ZNF391: variants seen among roughly 807,000 people sequenced by gnomAD.
The protein encoded by ZNF391 is zinc finger protein 391.
For synonymous variants in ZNF391, 126 were observed against 142.1 expected (o/e 0.89, Z 0.80); for missense variants, 375 against 425.5 (o/e 0.88, Z 1.04).
At chr6:27,395,112 C>G (rs1368296447) in intron 1 of ZNF391, 4 of 152,064 alleles carry the variant, frequency 2.6e-5, no homozygotes, top group Non-Finnish European at 5.9e-5. Context: ...CTTTAGGGGA[C>G]TATTGAGCAG....
At chr6:27,382,623 C>A (rs1761527109) in intron 1 of ZNF391, among the ~76,000 whole-genome samples, 1 of 152,068 alleles carries the variant, frequency 6.6e-6, no homozygotes, top group African/African-American at 2.4e-5. Flanking sequence ...GCTGAAGTCT[C>A]TGATGGGTAA....
Position 27,401,870 on chromosome 6 carries a change from A to C in ZNF391, c.*423A>C, listed in dbSNP as rs755425312. 11 of 158,690 alleles carry C rather than the reference A, an allele frequency of 6.9e-5. No homozygotes were observed. Among genetic ancestry groups the C allele is most frequent in the Non-Finnish European group, 1.4e-4 (10 of 71,768 alleles). The allele number at this position is 158,690 out of a possible 1,614,324, so 9.8% of individuals were successfully genotyped here. A position where few individuals can be genotyped will look rare whatever the true frequency, so the allele number is the denominator to read the frequency against. On this transcript the variant is annotated 3_prime_UTR_variant, in exon 3 of 3. Transcript: ENST00000244576. ...AGGTTCTCCTCTGTTTTCTAACCACATCAGCCCCTGCACATGAAGAGAAAA... is the reference window on the plus strand; with the variant it reads ...AGGTTCTCCTCTGTTTTCTAACCACCTCAGCCCCTGCACATGAAGAGAAAA...
At chr6:27,388,500 T>G (rs1761619187), upstream of ZNF391, among the ~76,000 whole-genome samples, 1 of 152,094 alleles carries the variant, frequency 6.6e-6, no homozygotes, top group Admixed American at 6.6e-5. Context: ...GCTCACTTGG[T>G]GATTTATTTG....
At chr6:27,393,373 T>C (rs1470075461) in intron 1 of ZNF391, among the ~76,000 whole-genome samples, 4 of 152,176 alleles carry the variant, frequency 2.6e-5, no homozygotes, top group Non-Finnish European at 5.9e-5. Flanking sequence ...GCTTTTGCCA[T>C]GTGATGTGCC....
At position 27,400,918 on chromosome 6, in the gene ZNF391, A is replaced by G. The variant is rs765898245; in HGVS notation, c.548A>G (p.His183Arg). 6 of 1,614,098 alleles carry G rather than the reference A, an allele frequency of 3.7e-6. No individual in the cohort carries two copies. The East Asian group carries it at 1.3e-4, about 36-fold the overall frequency. The change falls in exon 3 of 3, where the codon CAT becomes CGT. Residue 183 changes from histidine (H) to arginine (R), a missense_variant. By Grantham distance (29) the His-to-Arg change is conservative (BLOSUM62 0). Transcript: ENST00000244576. ...AGCCGGAGCACACATCTTAGTCTAC[A>G]TCAGAGAATCCATACTGGAGAAAAA... ...AFSRSTHLSL[H>R]QRIHTGEKPY... is the part of the protein sequence containing the mutation.
chr6:27,383,063 C>G (rs1015371389), intron 1 of ZNF391, among the ~76,000 whole-genome samples: 2 of 151,554 alleles, frequency 1.3e-5, no homozygotes, highest in Non-Finnish European at 1.5e-5. Context: ...GAGGTTGCAC[C>G]GAGCCGAGAT....
chr6:27,401,448 T>C lies in ZNF391; in HGVS notation c.*1T>C. 6.3e-7 allele frequency: 1 copy of C among 1,591,680 alleles called. No individual in the cohort carries two copies. Among genetic ancestry groups the C allele is most frequent in the Non-Finnish European group, 8.5e-7 (1 of 1,171,988 alleles). On this transcript the variant is annotated 3_prime_UTR_variant, in exon 3 of 3. Transcript: ENST00000244576. ...TCAGCACCTTCATACTAAAGAGTAA[T>C]ATCTGAGCTTTTATTAATGTTAGCA...
chr6:27,377,984 C>T (rs1362918553), intron 1 of ZNF391, among the ~76,000 whole-genome samples: 1 of 152,052 alleles, frequency 6.6e-6, no homozygotes, highest in African/African-American at 2.4e-5. Context: ...AAAATAAATG[C>T]TACTGAATTT....
In ZNF391 at chr6:27,401,291, TAG is replaced by T. The variant is rs1761961158; in HGVS notation, c.924_925del (p.Arg308SerfsTer28). On this transcript the variant is annotated frameshift_variant, in exon 3 of 3. Coordinates refer to ENST00000244576, the MANE Select transcript of ZNF391 (RefSeq NM_001076781.3). LOFTEE classifies it low-confidence loss of function (END_TRUNC). ...IHSGEKPHEC[R>X]VCGKGFSRSS... is the part of the protein sequence containing the mutation. ...ACAGTGGAGAAAAGCCTCACGAGTG[TAG>T]AGTGTGTGGAAAGGGCTTCAGTCGA... is the stretch of plus-strand genomic sequence containing the variant. 1 of 1,614,074 alleles carries T rather than the reference TAG, an allele frequency of 6.2e-7. No homozygotes were observed. Among genetic ancestry groups the T allele is most frequent in the Non-Finnish European group, 8.5e-7 (1 of 1,180,010 alleles).
At chr6:27,389,377 C>T (rs1300908816) in intron 1 of ZNF391, 2 of 455,310 alleles carry the variant, frequency 4.4e-6, no homozygotes, top group African/African-American at 4.0e-5. Context: ...TGGGGTGTTT[C>T]CCAGGTGCTT....
At chr6:27,381,410 C>G (rs941159128) in intron 1 of ZNF391, among the ~76,000 whole-genome samples, 18 of 152,350 alleles carry the variant, frequency 1.2e-4, no homozygotes, top group African/African-American at 4.3e-4. Context: ...AAGCACCGCG[C>G]GCAGCCCCAG....
At chr6:27,378,977 A>G (rs999663437) in intron 1 of ZNF391, among the ~76,000 whole-genome samples, 4 of 152,084 alleles carry the variant, frequency 2.6e-5, no homozygotes, top group African/African-American at 7.2e-5. Flanking sequence ...CATATGAATC[A>G]TAGATTCTAC....
chr6:27,387,768 T>C (rs1345113103), upstream of ZNF391, among the ~76,000 whole-genome samples: 1 of 152,210 alleles, frequency 6.6e-6, no homozygotes, highest in Admixed American at 6.5e-5. Context: ...TGGGCATCTT[T>C]AGGGATGACG....
chr6:27,381,571 G>A (rs142259232), intron 1 of ZNF391, among the ~76,000 whole-genome samples: 11,646 of 152,248 alleles, frequency 0.076, 542 homozygotes, highest in Middle Eastern at 0.18. Context: ...CAGAGGAGGC[G>A]CCGAGAGCGA....
chr6:27,386,073 A>G (rs2143062), upstream of ZNF391, among the ~76,000 whole-genome samples: 119,974 of 152,064 alleles, frequency 0.79, 47,856 homozygotes, highest in African/African-American at 0.89. Flanking sequence ...AAGATACTTC[A>G]AACTACATGA....
In ZNF391 at chr6:27,400,766, T is replaced by G; in HGVS notation, c.396T>G (p.Gly132=). ...SDLLVHSRIH[G]GEKPFECNKC... ...TTCTTGTACACAGTAGAATTCATGG[T>G]GGAGAAAAGCCTTTTGAATGCAACA... The change falls in exon 3 of 3, where the codon GGT becomes GGG. Residue 132 remains glycine, a synonymous_variant. Coordinates refer to ENST00000244576, the MANE Select transcript of ZNF391 (RefSeq NM_001076781.3). 6.2e-7 allele frequency: 1 copy of G among 1,614,198 alleles called. No homozygotes were observed. The highest frequency in any genetic ancestry group is 1.1e-5 in the South Asian group (1 of 91,084).
chr6:27,388,717 A>C (rs1761625174), upstream of ZNF391: 1 of 330,590 alleles, frequency 3.0e-6, no homozygotes, highest in South Asian at 2.4e-5. Flanking sequence ...TCTCAGGCGC[A>C]AGCGCAGAGC....
chr6:27,389,411 G>T (rs1427207120), intron 1 of ZNF391: 2 of 456,360 alleles, frequency 4.4e-6, no homozygotes, highest in Non-Finnish European at 8.8e-6. Flanking sequence ...ACTGCTCCAA[G>T]AGTTTTTACC....
At position 27,388,902 on chromosome 6, in the gene ZNF391, C is replaced by T. The variant is rs1014383536; in HGVS notation, c.-361C>T. 6 of 456,248 alleles carry T rather than the reference C, an allele frequency of 1.3e-5. No homozygotes were observed. Among genetic ancestry groups the T allele is most frequent in the African/African-American group, 8.0e-5 (4 of 50,056 alleles). The allele number at this position is 456,248 out of a possible 1,614,324, so 28.3% of individuals were successfully genotyped here. A position where few individuals can be genotyped will look rare whatever the true frequency, so the allele number is the denominator to read the frequency against. On this transcript the variant is annotated 5_prime_UTR_variant, in exon 1 of 3. Transcript: ENST00000244576. ...GAAGAGTGCCTGTGATCTTAGGGAA[C>T]CTGATGGGCGTTGGAGCAGCGGTTC...
Sources: allele counts gnomAD v4.1 joint callset (sites outside exome capture counted in the v4.1 genomes callset), GRCh38; gene constraint gnomAD v4.1.1; transcripts MANE v1.5; gene names NCBI Gene and HGNC (gene_info 2026-07-23, HGNC 2026-07-21).